Variants in CREBBP observed in about 807,000 individuals in gnomAD.
CREBBP encodes CREB binding lysine acetyltransferase, also known as CREB-binding protein.
In CREBBP, 19 loss-of-function variants were observed where a neutral mutation model predicts 265.0. That is an observed-to-expected ratio of 0.07 (90% CI 0.05 to 0.11). The LOEUF (loss-of-function observed/expected upper bound fraction) is 0.11, where lower values mean the gene tolerates loss of function less well. Among genes scored for constraint, CREBBP ranks in the 10% least tolerant of loss-of-function variants. The pLI is 1.00. For missense variants in CREBBP, 2,525 were observed against 3,219.0 expected, an observed-to-expected ratio of 0.78 and a Z score of 5.22; for synonymous variants, 1,457 against 1,223.7, an observed-to-expected ratio of 1.19 and a Z score of -3.98.
rs2051812656 is a variant in CREBBP at position 3,728,478 on chromosome 16, C to T, written c.6569G>A (p.Arg2190Gln). 7.4e-6 allele frequency: 12 copies of T among 1,613,830 alleles called. No individual in the cohort carries two copies. Among genetic ancestry groups the T allele is most frequent in the South Asian group, 1.1e-5 (1 of 91,068 alleles). ...CAGCAGCTGCCTCCGTAACATTTCT[C>T]GGTACTGTGGATTCATACTCGCCAT... ...PNMASMNPQY[R>Q]EMLRRQLLQQ... The change falls in exon 31 of 31, where the codon CGA (arginine) becomes CAA (glutamine). Residue 2190 changes from arginine to glutamine, a missense_variant. Transcript: ENST00000262367. This position sits in a 1 kb window ranked among gnomAD's most constrained non-coding sequence, Gnocchi z 8.7.
chr16:3,835,007 A>C (rs1379045072), intron 2 of CREBBP, among the ~76,000 whole-genome samples: 1 of 151,958 alleles, frequency 6.6e-6, no homozygotes, highest in African/African-American at 2.4e-5. Context: ...AAATACAAAA[A>C]ATTGGCCGGG....
At chr16:3,764,718 G>C (rs1228890932) in intron 16 of CREBBP, among the ~76,000 whole-genome samples, 2 of 151,706 alleles carry the variant, frequency 1.3e-5, no homozygotes, top group African/African-American at 4.9e-5. Flanking sequence ...TGAGTAGCCA[G>C]GACTACAGGC....
At chr16:3,739,821 T>C in intron 24 of CREBBP, 97 bp from the exon 25 acceptor site, 5 of 1,560,720 alleles carry the variant, frequency 3.2e-6, no homozygotes, top group Non-Finnish European at 4.4e-6. Flanking sequence ...CCACTGCAGA[T>C]GAGCGGAGGC....
intron 1 of CREBBP, among the ~76,000 whole-genome samples, chr16:3,861,339 T>C (rs2055069034): frequency 6.6e-6 from 1 of 152,202 alleles, no homozygotes; most frequent in South Asian, 2.1e-4. Flanking sequence ...GATGAAAGAA[T>C]TAAACCATAC....
intron 13 of CREBBP, among the ~76,000 whole-genome samples, chr16:3,772,495 G>C (rs967140346): frequency 6.6e-6 from 1 of 152,068 alleles, no homozygotes; most frequent in African/African-American, 2.4e-5. Context: ...CAATCTCCCA[G>C]GGCAAACACA....
Position 3,736,032 on chromosome 16 carries a change from G to C in CREBBP, c.4728+4C>G. ...GGCAATGGAGCTCAGAGAAGGGTCTGTACCTCAGTGGTTTCACTGGCTGCA... is the reference window on the plus strand; with the variant it reads ...GGCAATGGAGCTCAGAGAAGGGTCTCTACCTCAGTGGTTTCACTGGCTGCA... On this transcript the variant is annotated splice_donor_region_variant and intron_variant, in intron 28 of 30. Coordinates refer to ENST00000262367, the MANE Select transcript of CREBBP (RefSeq NM_004380.3). 1 of 1,614,242 alleles carries C rather than the reference G, an allele frequency of 6.2e-7. No individual in the cohort carries two copies. Among genetic ancestry groups the C allele is most frequent in the Non-Finnish European group, 8.5e-7 (1 of 1,180,036 alleles).
At position 3,780,798 on chromosome 16, in the gene CREBBP, G is replaced by C. The variant is rs2141245444; in HGVS notation, c.1757C>G (p.Thr586Ser). 1.2e-6 allele frequency: 2 copies of C among 1,614,004 alleles called. No homozygotes were observed. The highest frequency in any genetic ancestry group is 1.7e-6 in the Non-Finnish European group (2 of 1,180,006). The change falls in exon 8 of 31, where the codon ACC (threonine) becomes AGC (serine). Residue 586 changes from threonine (T) to serine (S), a missense_variant. Thr to Ser is a moderately conservative substitution (Grantham distance 58). Coordinates refer to ENST00000262367, the MANE Select transcript of CREBBP (RefSeq NM_004380.3). Reference protein sequence around the residue: ...TIPTAAPPSSTGVRKGWHEHV... With the variant: ...TIPTAAPPSSSGVRKGWHEHV... ...TTCGTGCCAGCCTTTCCTTACACCG[G>C]TGCTAGAAGGAGGAGCTGCTGTTGG...
At chr16:3,784,497 GTCCACCATACT>G (rs1839010347) in intron 5 of CREBBP, 1 of 152,146 alleles carries the variant, frequency 6.6e-6, no homozygotes, top group African/African-American at 2.4e-5. Flanking sequence ...TTAAACATGT[GTCCACCATACT>G]TCTGAAACCG....
chr16:3,785,111 G>C (rs911517751), intron 5 of CREBBP, among the ~76,000 whole-genome samples: 5 of 152,142 alleles, frequency 3.3e-5, no homozygotes, highest in African/African-American at 4.8e-5. Flanking sequence ...GAAGGGTAAG[G>C]GTGCTCAGGC....
intron 23 of CREBBP, chr16:3,743,744 A>C (rs1048274041): frequency 2.0e-5 from 3 of 152,284 alleles, no homozygotes; most frequent in Admixed American, 1.3e-4. Context: ...TATAAAGATT[A>C]AATAACCATA....
chr16:3,859,808 T>C (rs2055036497), intron 1 of CREBBP, among the ~76,000 whole-genome samples: 1 of 152,220 alleles, frequency 6.6e-6, no homozygotes, highest in Admixed American at 6.5e-5. Flanking sequence ...GCAAAAAGGC[T>C]ACATGGCCCT....
At position 3,739,744 on chromosome 16, in the gene CREBBP, C is replaced by T. The variant is rs751506589; in HGVS notation, c.4134-20G>A. The T allele has an allele frequency of 1.8e-5, 29 of 1,614,084 alleles. No individual in the cohort carries two copies. Among genetic ancestry groups the T allele is most frequent in the Middle Eastern group, 1.6e-4 (1 of 6,084 alleles). On this transcript the variant is annotated intron_variant, in intron 24 of 30. Coordinates refer to ENST00000262367, the MANE Select transcript of CREBBP (RefSeq NM_004380.3). ...ACAAACCTGAAACAAAAGCCAGAGC[C>T]GGACATTTACAAAGGCTGTTGCTGA...
At chr16:3,849,432 T>TGTGATGTGCGTGACC (rs1567360257) in intron 2 of CREBBP, among the ~76,000 whole-genome samples, 1 of 9,078 alleles carries the variant, frequency 1.1e-4, no homozygotes, top group African/African-American at 1.4e-4. Context: ...TGTGTGTGTG[T>TGTGATGTGCGTGACC]GTGTGTGTGT....
At chr16:3,761,641 C>G in intron 16 of CREBBP, 1 of 510,086 alleles carries the variant, frequency 2.0e-6, no homozygotes, top group Non-Finnish European at 3.9e-6. Flanking sequence ...CTGACAGCAG[C>G]CTGAGGTCCG....
chr16:3,872,666 G>C (rs538073084), intron 1 of CREBBP, among the ~76,000 whole-genome samples: 1 of 152,352 alleles, frequency 6.6e-6, no homozygotes, highest in Middle Eastern at 3.4e-3. Context: ...AAAAGCAGAC[G>C]GCACGGCCAG....
chr16:3,770,270 C>G (rs1302008299), intron 14 of CREBBP, among the ~76,000 whole-genome samples: 5 of 152,112 alleles, frequency 3.3e-5, no homozygotes, highest in African/African-American at 9.7e-5. Flanking sequence ...TAACCTGTAC[C>G]TCCTAGGCTC....
chr16:3,782,349 T>G (rs2053291026), intron 6 of CREBBP, among the ~76,000 whole-genome samples: 1 of 152,078 alleles, frequency 6.6e-6, no homozygotes, highest in African/African-American at 2.4e-5. Flanking sequence ...CTCCAACAAA[T>G]AAATGACAAC....
chr16:3,848,193 A>C (rs974694235), intron 2 of CREBBP, among the ~76,000 whole-genome samples: 1 of 152,058 alleles, frequency 6.6e-6, no homozygotes, highest in Non-Finnish European at 1.5e-5. Flanking sequence ...AAAAATTACA[A>C]CATATGAGAC....
At position 3,744,808 on chromosome 16, in the gene CREBBP, T is replaced by C; in HGVS notation, c.3982+86A>G. On this transcript the variant is annotated intron_variant, in intron 23 of 30. Coordinates refer to ENST00000262367, the MANE Select transcript of CREBBP (RefSeq NM_004380.3). ...ACAACCGAACCTCAGAACCATGTGT[T>C]GAGAGGAACCAAAGAACAATGGGGA... 3.9e-6 allele frequency: 4 copies of C among 1,032,836 alleles called. No individual in the cohort carries two copies. The Admixed American group carries it at 7.0e-5, about 18-fold the overall frequency. The allele number at this position is 1,032,836 out of a possible 1,614,324, so 64.0% of individuals were successfully genotyped here. A position where few individuals can be genotyped will look rare whatever the true frequency, so the allele number is the denominator to read the frequency against.
Sources: gnomAD v4.1 joint callset for allele counts (sites outside exome capture counted in the v4.1 genomes callset) on GRCh38, gnomAD v4.1.1 for gene constraint, Gnocchi (gnomAD v3.1) non-coding constraint, MANE v1.5 for transcripts, NCBI Gene and HGNC (gene_info 2026-07-23, HGNC 2026-07-21) for gene names.